Variants in LAMA1 observed in about 807,000 individuals in gnomAD.
The protein encoded by LAMA1 is laminin subunit alpha 1.
In LAMA1, 219 loss-of-function variants were observed where a neutral mutation model predicts 348.7. The observed-to-expected ratio is 0.63, with a 90% CI of 0.56 to 0.70. The LOEUF (loss-of-function observed/expected upper bound fraction) is 0.70. Ranked by LOEUF, LAMA1 falls within the 30% of genes least tolerant of loss-of-function variation. The pLI is 0.00. For synonymous variants in LAMA1, 1,487 were observed against 1,491.0 expected, an observed-to-expected ratio of 1.00 and a Z score of 0.06; for missense variants, 3,744 against 3,888.0, an observed-to-expected ratio of 0.96 and a Z score of 0.99.
At chr18:7,009,758 G>A (rs2057850883) in intron 26 of LAMA1, among the ~76,000 whole-genome samples, 1 of 152,118 alleles carries the variant, frequency 6.6e-6, no homozygotes, top group South Asian at 2.1e-4. Flanking sequence ...TACATTTCTT[G>A]AGAATTTGAA....
chr18:7,016,482 A>C lies in LAMA1; in HGVS notation c.2989+9T>G, dbSNP rs377560301. On this transcript the variant is annotated intron_variant, in intron 21 of 62. Transcript: ENST00000389658. ...CTACAAAGTCTCAAACAAGGAAATC[A>C]AGGCTTACGTGTACAGCTACCATCC... 2.0e-5 allele frequency: 33 copies of C among 1,614,174 alleles called. No individual in the cohort carries two copies. The highest frequency in any genetic ancestry group is 2.8e-5 in the Non-Finnish European group (33 of 1,180,020).
At position 6,961,771 on chromosome 18, in the gene LAMA1, G is replaced by A. The variant is rs2057608974; in HGVS notation, c.7453-12C>T. 1.2e-6 allele frequency: 2 copies of A among 1,614,066 alleles called. No homozygotes were observed. Among genetic ancestry groups the A allele is most frequent in the Admixed American group, 1.7e-5 (1 of 60,014 alleles). On this transcript the variant is annotated splice_polypyrimidine_tract_variant and intron_variant, in intron 52 of 62. Transcript: ENST00000389658. ...ACACTCCGGATGGGCTGGACACAGA[G>A]GAGATGGAACAGCATGGTGAGTTCC...
intron 1 of LAMA1, among the ~76,000 whole-genome samples, chr18:7,114,343 T>C (rs1776716611): frequency 6.6e-6 from 1 of 152,178 alleles, no homozygotes; most frequent in Non-Finnish European, 1.5e-5. Flanking sequence ...TCAGAGAAGT[T>C]AAGAAACTTA....
intron 32 of LAMA1, among the ~76,000 whole-genome samples, chr18:6,998,211 AAG>A (rs1433304504): frequency 6.6e-6 from 1 of 152,196 alleles, no homozygotes; most frequent in Non-Finnish European, 1.5e-5. Flanking sequence ...ATAAGGTGGT[AAG>A]AGAGTTGAAA....
chr18:7,081,986 T>TA (rs2058195072), intron 1 of LAMA1, among the ~76,000 whole-genome samples: 1 of 152,246 alleles, frequency 6.6e-6, no homozygotes, highest in Admixed American at 6.5e-5. Flanking sequence ...CACTGCCTAA[T>TA]ACGTTCAATG....
intron 1 of LAMA1, among the ~76,000 whole-genome samples, chr18:7,106,478 G>C (rs1226746777): frequency 6.6e-6 from 1 of 151,436 alleles, no homozygotes; most frequent in Non-Finnish European, 1.5e-5. Flanking sequence ...TCCTGCCTCA[G>C]CCTCCCAAGT....
intron 36 of LAMA1, among the ~76,000 whole-genome samples, chr18:6,990,615 C>A (rs2057754544): frequency 6.6e-6 from 1 of 152,180 alleles, no homozygotes; most frequent in African/African-American, 2.4e-5. Context: ...CACCACTACC[C>A]ATTGCCTCTC....
rs550592812 is a variant in LAMA1 at position 6,992,629 on chromosome 18, T to C, written c.5100A>G (p.Thr1700=). The change falls in exon 36 of 63, where the codon ACA becomes ACG. Residue 1700 remains threonine, a synonymous_variant. Transcript: ENST00000389658. ...TTATCTGCATGATTTCTAGCAAAGA[T>C]GTACCATTCTGTTGCATGTTCTGAA... ...STLQNMQQNG[T]SLLEIMQIRD... 2.5e-6 allele frequency: 4 copies of C among 1,613,942 alleles called. No homozygotes were observed. Among genetic ancestry groups the C allele is most frequent in the South Asian group, 1.1e-5 (1 of 91,078 alleles).
At chr18:6,970,204 G>T (rs766659812) in intron 48 of LAMA1, among the ~76,000 whole-genome samples, 1 of 152,232 alleles carries the variant, frequency 6.6e-6, no homozygotes, top group African/African-American at 2.4e-5. Flanking sequence ...AGCAGGGTGT[G>T]TCATTACCTC....
At position 7,080,419 on chromosome 18, in the gene LAMA1, G is replaced by A; in HGVS notation, c.100C>T (p.His34Tyr). Reference protein sequence around the residue: ...PAILNLASNAHISTNATCGEK... With the variant: ...PAILNLASNAYISTNATCGEK... ...CCACAGGTGGCATTGGTGCTGATGT[G>A]AGCATTGCTGGCAAGATTGAGAATG... is the stretch of plus-strand genomic sequence containing the variant. The change falls in exon 2 of 63, where the codon CAC becomes TAC. Residue 34 changes from histidine to tyrosine, a missense_variant. Coordinates refer to ENST00000389658, the MANE Select transcript of LAMA1 (RefSeq NM_005559.4). The A allele has an allele frequency of 6.2e-7, 1 of 1,614,252 alleles. No homozygotes were observed. The highest frequency in any genetic ancestry group is 1.7e-5 in the Admixed American group (1 of 60,030).
intron 36 of LAMA1, among the ~76,000 whole-genome samples, chr18:6,988,329 A>G (rs7231502): frequency 0.023 from 3,426 of 152,262 alleles, 49 homozygotes; most frequent in Middle Eastern, 0.054. Flanking sequence ...TACAACACCA[A>G]TGTCCCATGA....
chr18:6,974,902 C>T lies in LAMA1; in HGVS notation c.6623+1G>A, dbSNP rs1470076309. The T allele has an allele frequency of 3.7e-6, 6 of 1,613,980 alleles. No homozygotes were observed. The highest frequency in any genetic ancestry group is 5.1e-6 in the Non-Finnish European group (6 of 1,180,016). The stretch of plus-strand genomic sequence containing the variant: ...TGCTTTGAGAGAACATTCTCTTCTA[C>T]CTGGCTACATGGATACTGTGCCATC... On this transcript the variant is annotated splice_donor_variant, in intron 46 of 62. Coordinates refer to ENST00000389658, the MANE Select transcript of LAMA1 (RefSeq NM_005559.4). LOFTEE classifies it high-confidence loss of function.
intron 3 of LAMA1, among the ~76,000 whole-genome samples, chr18:7,072,105 C>A (rs1310005640): frequency 6.6e-6 from 1 of 152,134 alleles, no homozygotes; most frequent in Non-Finnish European, 1.5e-5. Flanking sequence ...ATGATGATTC[C>A]ATCTTAATTT....
intron 61 of LAMA1, among the ~76,000 whole-genome samples, chr18:6,946,184 C>T (rs2057520594): frequency 6.6e-6 from 1 of 151,994 alleles, no homozygotes; most frequent in South Asian, 2.1e-4. Context: ...TAATACGCCA[C>T]CACAAAAGGG....
At chr18:6,999,748 T>C (rs2057799256) in intron 31 of LAMA1, 110 bp from the exon 32 acceptor site, 28 of 1,207,654 alleles carry the variant, frequency 2.3e-5, no homozygotes, top group Middle Eastern at 1.9e-4. Flanking sequence ...TCCATTCACC[T>C]TGGGAAAACT....
intron 3 of LAMA1, among the ~76,000 whole-genome samples, chr18:7,063,015 C>T (rs922493464): frequency 1.3e-5 from 2 of 152,192 alleles, no homozygotes; most frequent in African/African-American, 4.8e-5. Flanking sequence ...ACAGGTGATA[C>T]TGCCCAGAAA....
intron 3 of LAMA1, among the ~76,000 whole-genome samples, chr18:7,057,322 G>T (rs964301135): frequency 6.6e-6 from 1 of 152,094 alleles, no homozygotes; most frequent in African/African-American, 2.4e-5. Context: ...CAGGCAGTTT[G>T]TACTCTTAAG....
rs1404272008 is a variant in LAMA1 at position 6,995,431 on chromosome 18, C to A, written c.4822G>T (p.Glu1608Ter). 3 of 1,603,218 alleles carry A rather than the reference C, an allele frequency of 1.9e-6. No homozygotes were observed. The African/African-American group carries it at 4.0e-5, about 21-fold the overall frequency. Reference sequence around the variant, plus strand: ...TTTCCCAGGTCCTTTTGCATATTTTCTTTTAATAAAGATTCCTAGGAAGAA... The same window carrying A: ...TTTCCCAGGTCCTTTTGCATATTTTATTTTAATAAAGATTCCTAGGAAGAA... ...TKYLQESLLK[E>*]NMQKDLGKIK... is the part of the protein sequence containing the mutation. The change falls in exon 34 of 63, where the codon GAA becomes TAA. Residue 1608 changes from glutamate (E) to a stop codon, truncating the protein, a stop_gained. Transcript: ENST00000389658. LOFTEE classifies it high-confidence loss of function.
At chr18:7,064,889 T>C (rs1161863498) in intron 3 of LAMA1, among the ~76,000 whole-genome samples, 1 of 152,190 alleles carries the variant, frequency 6.6e-6, no homozygotes, top group Non-Finnish European at 1.5e-5. Flanking sequence ...GGAAAAGGTC[T>C]TAGAAACTGT....
Sources: gnomAD v4.1 joint callset for allele counts (sites outside exome capture counted in the v4.1 genomes callset) on GRCh38, gnomAD v4.1.1 for gene constraint, MANE v1.5 for transcripts, NCBI Gene and HGNC (gene_info 2026-07-23, HGNC 2026-07-21) for gene names.